Variants in PDE9A observed in about 807,000 individuals in gnomAD.
The protein encoded by PDE9A is phosphodiesterase 9A.
Under a neutral mutation model 87.4 loss-of-function variants are expected in PDE9A, and 60 were observed. The observed-to-expected ratio is 0.69, with a 90% CI of 0.56 to 0.85. PDE9A has a LOEUF of 0.85. Ranked by LOEUF, PDE9A falls within the 40% of genes least tolerant of loss-of-function variation. The pLI is 0.00. For synonymous variants in PDE9A, 272 were observed against 279.4 expected, an observed-to-expected ratio of 0.97 and a Z score of 0.27; for missense variants, 665 against 779.0, an observed-to-expected ratio of 0.85 and a Z score of 1.74.
intron 1 of PDE9A, among the ~76,000 whole-genome samples, chr21:42,661,281 A>G (rs1601870477): frequency 6.6e-6 from 1 of 151,770 alleles, no homozygotes; most frequent in South Asian, 2.1e-4. Flanking sequence ...CGCCCGCCTC[A>G]GCCTCCCAAA....
intron 1 of PDE9A, among the ~76,000 whole-genome samples, chr21:42,656,200 C>G (rs2057056280): frequency 6.6e-6 from 1 of 152,106 alleles, no homozygotes; most frequent in Non-Finnish European, 1.5e-5. Flanking sequence ...ATGTTGCTTC[C>G]TAGGAGGGAG....
chr21:42,685,617 C>A (rs2146165146), intron 1 of PDE9A, among the ~76,000 whole-genome samples: 1 of 152,140 alleles, frequency 6.6e-6, no homozygotes, highest in East Asian at 1.9e-4. Flanking sequence ...CAGGCACCTG[C>A]CACCACGCCC....
intron 1 of PDE9A, among the ~76,000 whole-genome samples, chr21:42,667,399 G>GT (rs1201150012): frequency 1.3e-5 from 2 of 152,182 alleles, no homozygotes; most frequent in East Asian, 3.9e-4. Context: ...ATGGGGCACA[G>GT]TTTTTTTTAA....
In PDE9A at chr21:42,723,887, A is replaced by G. The variant is rs1220475825; in HGVS notation, c.263-7883A>G. Among the ~76,000 whole-genome samples, 3 of 152,228 alleles carry G rather than the reference A, an allele frequency of 2.0e-5. No individual in the cohort carries two copies. Among genetic ancestry groups the G allele is most frequent in the Non-Finnish European group, 2.9e-5 (2 of 68,042 alleles). On this transcript the variant is annotated intron_variant, in intron 4 of 19. Coordinates refer to ENST00000291539, the MANE Select transcript of PDE9A (RefSeq NM_002606.3). This position sits in a 1 kb window ranked among gnomAD's most constrained non-coding sequence, Gnocchi z 4.3. Reference sequence around the variant, plus strand: ...GTTTTCTTAAAACTATTAAGACACTATCAACGTGAAATGACTTGAATAGGC... The same window carrying G: ...GTTTTCTTAAAACTATTAAGACACTGTCAACGTGAAATGACTTGAATAGGC...
At chr21:42,769,938 T>G (rs2056878912) in intron 17 of PDE9A, among the ~76,000 whole-genome samples, 2 of 152,174 alleles carry the variant, frequency 1.3e-5, no homozygotes, top group South Asian at 2.1e-4. Context: ...CTTGCCTTGC[T>G]GGGCCCTGGG....
chr21:42,727,297 G>C (rs145400987), intron 4 of PDE9A, among the ~76,000 whole-genome samples: 10 of 151,942 alleles, frequency 6.6e-5, no homozygotes, highest in Non-Finnish European at 1.2e-4. Context: ...ACACCTAGGG[G>C]CATTTTTGAG....
Position 42,764,822 on chromosome 21 carries a change from C to A in PDE9A, c.1243-559C>A, listed in dbSNP as rs80187866. On this transcript the variant is annotated intron_variant, in intron 14 of 19. Coordinates refer to ENST00000291539, the MANE Select transcript of PDE9A (RefSeq NM_002606.3). The stretch of plus-strand genomic sequence containing the variant: ...CAGGAAAATTGAATAATTCAAGATA[C>A]AAGTGATCCCCCCAAAAAAATATAT... Among the ~76,000 whole-genome samples, 235 of 152,210 alleles carry A rather than the reference C, an allele frequency of 1.5e-3. 1 individual carries two copies. The highest frequency in any genetic ancestry group is 5.4e-3 in the African/African-American group (226 of 41,496).
intron 1 of PDE9A, among the ~76,000 whole-genome samples, chr21:42,678,774 G>A (rs1462117591): frequency 6.6e-6 from 1 of 152,356 alleles, no homozygotes; most frequent in East Asian, 1.9e-4. Context: ...CCTCCCGGGG[G>A]AAATAGGTGC....
chr21:42,717,953 T>C (rs902897648), intron 4 of PDE9A, among the ~76,000 whole-genome samples: 2 of 151,644 alleles, frequency 1.3e-5, no homozygotes, highest in Non-Finnish European at 2.9e-5. Context: ...AAGTTTTTGC[T>C]CTGTTGCCCA....
At chr21:42,740,739 G>A (rs1476693152) in intron 7 of PDE9A, among the ~76,000 whole-genome samples, 99 of 139,516 alleles carry the variant, frequency 7.1e-4, no homozygotes, top group African/African-American at 1.4e-3. Flanking sequence ...TAGATAGATA[G>A]ATAGATAGAT....
intron 14 of PDE9A, among the ~76,000 whole-genome samples, chr21:42,765,047 A>G (rs1428270231): frequency 6.6e-6 from 1 of 150,998 alleles, no homozygotes; most frequent in African/African-American, 2.4e-5. Flanking sequence ...GGACAAATGG[A>G]TGGAAGGGTG....
chr21:42,679,290 A>G (rs1602000946), intron 1 of PDE9A, among the ~76,000 whole-genome samples: 1 of 152,156 alleles, frequency 6.6e-6, no homozygotes, highest in Middle Eastern at 3.4e-3. Flanking sequence ...TCCAAGTATG[A>G]TTTCCACTCG....
At chr21:42,677,447 T>TTTAGAG (rs1351179050) in intron 1 of PDE9A, among the ~76,000 whole-genome samples, 1 of 152,176 alleles carries the variant, frequency 6.6e-6, no homozygotes, top group Non-Finnish European at 1.5e-5. Flanking sequence ...TTACCAGCTT[T>TTTAGAG]ATGGGGTCAT....
At chr21:42,707,776 G>GA (rs1456523702) in intron 4 of PDE9A, among the ~76,000 whole-genome samples, 1 of 152,178 alleles carries the variant, frequency 6.6e-6, no homozygotes, top group Non-Finnish European at 1.5e-5. Context: ...CCATTTCCCT[G>GA]ACAAAATAGG....
At chr21:42,771,915 A>G (rs1308737654) in intron 18 of PDE9A, among the ~76,000 whole-genome samples, 1 of 152,194 alleles carries the variant, frequency 6.6e-6, no homozygotes, top group Non-Finnish European at 1.5e-5. Context: ...GAGAGCACTT[A>G]TGCAGAGGGA....
chr21:42,703,027 G>A (rs1168420420), intron 4 of PDE9A, among the ~76,000 whole-genome samples: 1 of 152,220 alleles, frequency 6.6e-6, no homozygotes, highest in Non-Finnish European at 1.5e-5. Flanking sequence ...TTGGGAGGAG[G>A]CGGAGGCCTA....
rs981565526 is a variant in PDE9A, at chr21:42,675,742, G to T, written c.70-10450G>T. Among the ~76,000 whole-genome samples, 15 of 152,150 alleles carry T rather than the reference G, an allele frequency of 9.9e-5. No individual in the cohort carries two copies. Among genetic ancestry groups the T allele is most frequent in the African/African-American group, 3.6e-4 (15 of 41,442 alleles). On this transcript the variant is annotated intron_variant, in intron 1 of 19. Coordinates refer to ENST00000291539, the MANE Select transcript of PDE9A (RefSeq NM_002606.3). This position sits in a 1 kb window ranked among gnomAD's most constrained non-coding sequence, Gnocchi z 4.3. ...TACCCTCCACCCAGTCTCCCCTACTGGGACTGTCGTGCAAAATTATGGCCC... is the reference window on the plus strand; with the variant it reads ...TACCCTCCACCCAGTCTCCCCTACTTGGACTGTCGTGCAAAATTATGGCCC...
chr21:42,690,596 C>T (rs1470457375), intron 3 of PDE9A, among the ~76,000 whole-genome samples: 4 of 152,096 alleles, frequency 2.6e-5, no homozygotes, highest in South Asian at 4.1e-4. Flanking sequence ...CTGGTGCCTG[C>T]GCCTCCTGCA....
chr21:42,655,244 G>T (rs535195570), intron 1 of PDE9A, among the ~76,000 whole-genome samples: 10 of 152,312 alleles, frequency 6.6e-5, no homozygotes, highest in African/African-American at 2.4e-4. Flanking sequence ...TTTTCTGCCC[G>T]ATAGATGAGA....
Sources: gnomAD v4.1 joint callset for allele counts (sites outside exome capture counted in the v4.1 genomes callset) on GRCh38, gnomAD v4.1.1 for gene constraint, Gnocchi (gnomAD v3.1) non-coding constraint, MANE v1.5 for transcripts, NCBI Gene and HGNC (gene_info 2026-07-23, HGNC 2026-07-21) for gene names.